The following RELN variants were observed in gnomAD, a reference collection of about 807,000 sequenced individuals.
RELN encodes the protein reelin.
Under a neutral mutation model 427.6 loss-of-function variants are expected in RELN, and 108 were observed. The observed-to-expected ratio is 0.25, with a 90% CI of 0.22 to 0.30. The LOEUF is 0.30. RELN is among the 10% of genes least tolerant of loss of function. The pLI is 1.00. For synonymous variants in RELN, 1,524 were observed against 1,513.4 expected, an observed-to-expected ratio of 1.01 and a Z score of -0.16; for missense variants, 3,715 against 4,302.8, an observed-to-expected ratio of 0.86 and a Z score of 3.82.
intron 51 of RELN, among the ~76,000 whole-genome samples, chr7:103,506,660 C>A (rs1266602241): frequency 6.6e-6 from 1 of 152,022 alleles, no homozygotes; most frequent in Admixed American, 6.6e-5. Context: ...AACTAATGGG[C>A]AAAATAACCA....
At chr7:103,670,725 G>A (rs1294802768) in intron 11 of RELN, among the ~76,000 whole-genome samples, 5 of 151,910 alleles carry the variant, frequency 3.3e-5, no homozygotes, top group Admixed American at 6.6e-5. Context: ...AATTCAGAGT[G>A]AAAATTTAAA....
At chr7:103,641,885 G>T (rs182405298) in intron 16 of RELN, among the ~76,000 whole-genome samples, 24 of 152,216 alleles carry the variant, frequency 1.6e-4, no homozygotes, top group African/African-American at 5.5e-4. Flanking sequence ...GCTGAAGGAA[G>T]ATATGCTCTA....
intron 3 of RELN, among the ~76,000 whole-genome samples, chr7:103,809,956 C>G (rs1792696182): frequency 6.6e-6 from 1 of 152,158 alleles, no homozygotes; most frequent in Non-Finnish European, 1.5e-5. Context: ...CCCACTAAAA[C>G]TCAAGTTTTC....
At chr7:103,714,341 T>G (rs552717388) in intron 8 of RELN, among the ~76,000 whole-genome samples, 2 of 152,326 alleles carry the variant, frequency 1.3e-5, no homozygotes, top group Admixed American at 1.3e-4. Flanking sequence ...GTACATCATA[T>G]ATCCACAGGG....
intron 1 of RELN, among the ~76,000 whole-genome samples, chr7:103,962,448 A>T (rs1796576541): frequency 6.6e-6 from 1 of 152,026 alleles, no homozygotes; most frequent in Non-Finnish European, 1.5e-5. Context: ...ATTACCACCA[A>T]GAGGAATGAG....
intron 2 of RELN, among the ~76,000 whole-genome samples, chr7:103,887,273 T>C (rs528647018): frequency 7.2e-5 from 11 of 152,132 alleles, no homozygotes; most frequent in Non-Finnish European, 1.3e-4. Flanking sequence ...TGATTAACAG[T>C]GACACGGAAG....
In RELN at chr7:103,798,143, A is replaced by G. The variant is rs369774489; in HGVS notation, c.474-21516T>C. On this transcript the variant is annotated intron_variant, in intron 3 of 64. Transcript: ENST00000428762. The stretch of plus-strand genomic sequence containing the variant: ...ACAGTACTACTCACTGCCTTTGCCA[A>G]ATAAATTCTGGAGCAGTTATGTTAC... 1.9e-4 allele frequency among the ~76,000 whole-genome samples: 29 copies of G among 152,308 alleles called. No homozygotes were observed. The East Asian group carries it at 2.1e-3, about 11-fold the overall frequency.
intron 1 of RELN, among the ~76,000 whole-genome samples, chr7:103,940,871 T>C (rs1178520858): frequency 6.6e-6 from 1 of 152,204 alleles, no homozygotes; most frequent in Non-Finnish European, 1.5e-5. Flanking sequence ...CTGTGAGTAC[T>C]ATTTCCTTCC....
At chr7:103,876,788 T>G (rs3835340) in intron 2 of RELN, among the ~76,000 whole-genome samples, 1 of 151,382 alleles carries the variant, frequency 6.6e-6, no homozygotes, top group East Asian at 1.9e-4. Context: ...CTCTTTTTTT[T>G]AAAAAAAAGA....
At chr7:103,919,393 A>T (rs1260721367) in intron 1 of RELN, among the ~76,000 whole-genome samples, 1 of 152,062 alleles carries the variant, frequency 6.6e-6, no homozygotes, top group Non-Finnish European at 1.5e-5. Context: ...GCATACTGAA[A>T]ACTTCACACC....
chr7:103,703,554 A>T (rs1834137729), intron 8 of RELN, among the ~76,000 whole-genome samples: 1 of 152,172 alleles, frequency 6.6e-6, no homozygotes, highest in South Asian at 2.1e-4. Flanking sequence ...TGAGGAGGGA[A>T]TGCTAAGTAG....
chr7:103,547,096 CAT>C (rs1830314406), intron 41 of RELN, among the ~76,000 whole-genome samples: 1 of 152,146 alleles, frequency 6.6e-6, no homozygotes, highest in Non-Finnish European at 1.5e-5. Context: ...GCAGAGATGA[CAT>C]GTGCACTTAT....
chr7:103,611,642 T>C lies in RELN; in HGVS notation c.2864A>G (p.Asn955Ser), dbSNP rs759342694. ...GACGAGGTGCCAGGTAAGGCCGTGG[T>C]TGGTTGAGTACTCCAGCTTCACCTG... ...DNQVKLEYSTNHGLTWHLVQE... is the reference protein window; with the variant it reads ...DNQVKLEYSTSHGLTWHLVQE... Residue 955 changes from asparagine (N) to serine (S), a missense_variant, in exon 21 of 65, where the codon AAC (asparagine) becomes AGC (serine). Asn to Ser is a conservative substitution (Grantham distance 46, BLOSUM62 1). Coordinates refer to ENST00000428762, the MANE Select transcript of RELN (RefSeq NM_005045.4). The C allele has an allele frequency of 3.7e-6, 6 of 1,613,700 alleles. 1 individual carries two copies. The South Asian group carries it at 4.4e-5, about 12-fold the overall frequency.
At position 103,566,645 on chromosome 7, in the gene RELN, G is replaced by A. The variant is rs767133532; in HGVS notation, c.4703C>T (p.Ala1568Val). ...QIISIDLPQD[A>V]KTPATAFRWW... ...TCGAAATGCCGTTGCAGGTGTCTTC[G>A]CGTCCTGTGGCAGGTCAATGGAAAT... Residue 1568 changes from alanine (A) to valine (V), a missense_variant, in exon 32 of 65, where the codon GCG becomes GTG. This residue lies in a region of RELN where 2,208 missense variants were observed against 2,361.7 expected (regional missense o/e 0.93). Transcript: ENST00000428762. The A allele has an allele frequency of 1.7e-5, 27 of 1,614,004 alleles. No homozygotes were observed. The highest frequency in any genetic ancestry group is 2.2e-5 in the East Asian group (1 of 44,896).
At chr7:103,679,645 G>T (rs1236639480) in intron 11 of RELN, among the ~76,000 whole-genome samples, 1 of 151,942 alleles carries the variant, frequency 6.6e-6, no homozygotes, top group Non-Finnish European at 1.5e-5. Context: ...ATGTTCCTCT[G>T]TGTCCATATT....
intron 48 of RELN, among the ~76,000 whole-genome samples, chr7:103,520,379 G>T (rs1484595633): frequency 2.6e-5 from 4 of 152,056 alleles, no homozygotes; most frequent in Admixed American, 2.6e-4. Flanking sequence ...GGGTTCAAGT[G>T]ATTCTCTTGC....
In RELN at chr7:103,589,813, C is replaced by A. The variant is rs1831368591; in HGVS notation, c.3928G>T (p.Ala1310Ser). 6.2e-7 allele frequency: 1 copy of A among 1,604,600 alleles called. No individual in the cohort carries two copies. The highest frequency in any genetic ancestry group is 1.7e-5 in the Admixed American group (1 of 59,998). ...GGAGCAGTACTGCTGAATTGATTGG[C>A]ACAACCTATGTTTAGCTGTTAAAAG... Reference protein sequence around the residue: ...VLQFKLNIGCANQFSSTAPVL... With the variant: ...VLQFKLNIGCSNQFSSTAPVL... The change falls in exon 28 of 65, where the codon GCC becomes TCC. Residue 1310 changes from alanine (A) to serine (S), a missense_variant. By Grantham distance (99) the Ala-to-Ser change is moderately conservative. Around this residue, in one of 4 missense-constraint regions of RELN, gnomAD observed 2,208 missense variants for 2,361.7 expected, o/e 0.93. Transcript: ENST00000428762.
intron 48 of RELN, among the ~76,000 whole-genome samples, chr7:103,521,577 C>A (rs1419746867): frequency 6.6e-6 from 1 of 152,156 alleles, no homozygotes; most frequent in Non-Finnish European, 1.5e-5. Context: ...AAATCTGTTG[C>A]AAGCTCAGGA....
intron 6 of RELN, among the ~76,000 whole-genome samples, chr7:103,735,185 G>C (rs1790460781): frequency 6.6e-6 from 1 of 152,030 alleles, no homozygotes; most frequent in Admixed American, 6.5e-5. Flanking sequence ...CCAGTGTTTT[G>C]TCTTCCACTG....
Sources: allele counts gnomAD v4.1 joint callset (sites outside exome capture counted in the v4.1 genomes callset), GRCh38; gene constraint gnomAD v4.1.1; regional missense constraint gnomAD v4.1.1; transcripts MANE v1.5; gene names NCBI Gene and HGNC (gene_info 2026-07-23, HGNC 2026-07-21).